Variants in CHD8 observed in about 807,000 individuals in gnomAD.
CHD8 encodes chromodomain helicase DNA binding protein 8.
CHD8 carries 31 observed loss-of-function variants against 279.2 expected under a neutral mutation model. That is an observed-to-expected ratio of 0.11 (90% confidence interval 0.08 to 0.15). The LOEUF (loss-of-function observed/expected upper bound fraction) is 0.15. Among genes scored for constraint, CHD8 ranks in the 10% least tolerant of loss-of-function variants. The probability of loss-of-function intolerance (pLI) is 1.00; values close to 1 mark genes in which losing one functional copy is unlikely to be tolerated. For synonymous variants in CHD8, 1,081 were observed against 1,139.6 expected (o/e 0.95, Z 1.04); for missense variants, 2,146 against 3,230.5 (o/e 0.66, Z 8.14).
chr14:21,408,196 C>A lies in CHD8; in HGVS notation c.2730+116G>T. 7.9e-7 allele frequency: 1 copy of A among 1,268,034 alleles called. No homozygotes were observed. Among genetic ancestry groups the A allele is most frequent in the South Asian group, 1.5e-5 (1 of 66,376 alleles). The allele number at this position is 1,268,034 out of a possible 1,614,324, so 78.5% of individuals were successfully genotyped here. A position where few individuals can be genotyped will look rare whatever the true frequency, so the allele number is the denominator to read the frequency against. On this transcript the variant is annotated intron_variant, in intron 13 of 37. Transcript: ENST00000646647. The surrounding 1 kb of genome is among the most constrained non-coding windows in gnomAD (Gnocchi z 4.3). Reference sequence around the variant, plus strand: ...ATGCCTTAAACCATAGGCATTTTTGCATAGGCATATTGAAGACTTTCAATA... The same window carrying A: ...ATGCCTTAAACCATAGGCATTTTTGAATAGGCATATTGAAGACTTTCAATA...
chr14:21,392,938 C>G, intron 33 of CHD8, 129 bp from the exon 34 acceptor site: 1 of 1,165,460 alleles, frequency 8.6e-7, no homozygotes, highest in Non-Finnish European at 1.2e-6. Flanking sequence ...GAAGTTAATA[C>G]TATTAAGATT....
rs1446011634 is a variant in CHD8, at chr14:21,386,189, A to C, written c.7183-13T>G. The C allele has an allele frequency of 2.0e-6, 3 of 1,533,034 alleles. No individual in the cohort carries two copies. Among genetic ancestry groups the C allele is most frequent in the South Asian group, 1.2e-5 (1 of 81,716 alleles). The allele number at this position is 1,533,034 out of a possible 1,614,324, so 95.0% of individuals were successfully genotyped here. ...CAGTGTGATGACCCTAGGAGGAGGGAATAGAAGATAATAAAAAGAAAGAAA... is the reference window on the plus strand; with the variant it reads ...CAGTGTGATGACCCTAGGAGGAGGGCATAGAAGATAATAAAAAGAAAGAAA... On this transcript the variant is annotated splice_polypyrimidine_tract_variant and intron_variant, in intron 37 of 37. Transcript: ENST00000646647.
intron 37 of CHD8, among the ~76,000 whole-genome samples, chr14:21,388,372 A>G (rs1382947974): frequency 6.6e-6 from 1 of 152,228 alleles, no homozygotes; most frequent in African/African-American, 2.4e-5. Flanking sequence ...TTAAAACAAT[A>G]CCGTGTAACA....
In CHD8 at chr14:21,393,219, T is replaced by A; in HGVS notation, c.6355A>T (p.Ser2119Cys). Residue 2119 changes from serine to cysteine, a missense_variant, in exon 33 of 38, where the codon AGT becomes TGT. Physicochemically the swap from Ser to Cys is moderately radical, Grantham distance 112 (BLOSUM62 -1). Coordinates refer to ENST00000646647, the MANE Select transcript of CHD8 (RefSeq NM_001170629.2). ...TGGGACATAGTGAGGGACAGGAGAC[T>A]CTCTTCATCATAGAGCTTTGAGCGG... Reference protein sequence around the residue: ...QSRSKLYDEESLLSLTMSQDG... With the variant: ...QSRSKLYDEECLLSLTMSQDG... 1 of 1,613,934 alleles carries A rather than the reference T, an allele frequency of 6.2e-7. No homozygotes were observed. Among genetic ancestry groups the A allele is most frequent in the South Asian group, 1.1e-5 (1 of 91,088 alleles).
chr14:21,429,770 G>A (rs1889486347), intron 2 of CHD8: 2 of 291,826 alleles, frequency 6.9e-6, no homozygotes, highest in Admixed American at 8.2e-5. Flanking sequence ...AGCCTCCTGA[G>A]TAGCTGGTAC....
intron 5 of CHD8, among the ~76,000 whole-genome samples, chr14:21,423,523 T>C (rs989109424): frequency 6.6e-6 from 1 of 151,040 alleles, no homozygotes. Context: ...TCCATGAACT[T>C]TTTTTTTTGG....
intron 37 of CHD8, among the ~76,000 whole-genome samples, chr14:21,387,382 AGCACTTTGGGAGGCTGAGGGCAG>A (rs1887300284): frequency 6.6e-6 from 1 of 152,208 alleles, no homozygotes; most frequent in South Asian, 2.1e-4. Flanking sequence ...CTGTAATCCC[AGCACTTTGGGAGGCTGAGGGCAG>A]GCGGATCACC....
intron 1 of CHD8, among the ~76,000 whole-genome samples, chr14:21,449,161 G>A (rs565934645): frequency 6.6e-6 from 1 of 152,080 alleles, no homozygotes; most frequent in East Asian, 2.0e-4. Flanking sequence ...GCGACAGAGC[G>A]AGACTTCATC....
chr14:21,415,545 A>AAAT (rs1555316450), intron 7 of CHD8, 29 bp downstream of exon 7: 19 of 1,117,594 alleles, frequency 1.7e-5, no homozygotes, highest in Middle Eastern at 3.0e-4. Flanking sequence ...AAATAAATAA[A>AAAT]AATAATAATA....
In CHD8 at chr14:21,410,105, GAAAAAGTCAGGCC is replaced by G. The variant is rs1888424451; in HGVS notation, c.2227-130_2227-118del. The G allele has an allele frequency of 3.0e-6, 3 of 1,003,284 alleles. No individual in the cohort carries two copies. The East Asian group carries it at 8.2e-5, about 27-fold the overall frequency. The allele number at this position is 1,003,284 out of a possible 1,614,324, so 62.1% of individuals were successfully genotyped here. A position where few individuals can be genotyped will look rare whatever the true frequency, so the allele number is the denominator to read the frequency against. On this transcript the variant is annotated intron_variant, in intron 10 of 37. Transcript: ENST00000646647. ...AAAGTATCAGTACCTAGAAGCCGTT[GAAAAAGTCAGGCC>G]AAACACATCGACCAAAAGTTCACCT...
At chr14:21,444,777 T>G (rs1890072277) in intron 1 of CHD8, among the ~76,000 whole-genome samples, 1 of 152,228 alleles carries the variant, frequency 6.6e-6, no homozygotes, top group African/African-American at 2.4e-5. Flanking sequence ...GTCCTAGACC[T>G]TCTTTTCATT....
In CHD8 at chr14:21,448,400, C is replaced by G. The variant is rs535682780; in HGVS notation, c.-216+7632G>C. Among the ~76,000 whole-genome samples the G allele has an allele frequency of 3.3e-5, 5 of 152,302 alleles. No homozygotes were observed. In the East Asian group the frequency reaches 7.7e-4, roughly 23 times the overall value. On this transcript the variant is annotated intron_variant, in intron 1 of 37. Transcript: ENST00000646647. ...AACTAAGTTAAATAAAAGAAACAAACTATTTACTCTTTTTCCTTTTAACAG... is the reference window on the plus strand; with the variant it reads ...AACTAAGTTAAATAAAAGAAACAAAGTATTTACTCTTTTTCCTTTTAACAG...
chr14:21,385,870 G>C lies in CHD8; in HGVS notation c.7489C>G (p.His2497Asp). ...DSSTMLHHHH[H>D]HPHPHHHHHH... ...TGGTGATGGTGGGGGTGGGGGTGGT[G>C]GTGGTGGTGATGAAGCATGGTGCTG... Residue 2497 changes from histidine (H) to aspartate (D), a missense_variant, in exon 38 of 38, where the codon CAC becomes GAC. Physicochemically the swap from His to Asp is moderately conservative, Grantham distance 81. Transcript: ENST00000646647. 1 of 1,549,950 alleles carries C rather than the reference G, an allele frequency of 6.5e-7. No individual in the cohort carries two copies. The highest frequency in any genetic ancestry group is 8.7e-7 in the Non-Finnish European group (1 of 1,146,748).
chr14:21,408,257 A>G lies in CHD8; in HGVS notation c.2730+55T>C, dbSNP rs2139481311. 1.3e-6 allele frequency: 2 copies of G among 1,581,506 alleles called. No individual in the cohort carries two copies. Among genetic ancestry groups the G allele is most frequent in the East Asian group, 4.5e-5 (2 of 44,518 alleles). Reference sequence around the variant, plus strand: ...ATTCATATATAGCCCTTAAAATACCAGGTACCTTGGCCGACTTTCTCTAAC... The same window carrying G: ...ATTCATATATAGCCCTTAAAATACCGGGTACCTTGGCCGACTTTCTCTAAC... On this transcript the variant is annotated intron_variant, in intron 13 of 37. Transcript: ENST00000646647. The surrounding 1 kb of genome is among the most constrained non-coding windows in gnomAD (Gnocchi z 4.3).
At chr14:21,448,795 C>T (rs1378417638) in intron 1 of CHD8, among the ~76,000 whole-genome samples, 1 of 151,148 alleles carries the variant, frequency 6.6e-6, no homozygotes, top group Non-Finnish European at 1.5e-5. Flanking sequence ...AAACTCCTGA[C>T]CTCATGATCC....
At chr14:21,390,719 A>G (rs1887489371) in intron 37 of CHD8, among the ~76,000 whole-genome samples, 3 of 151,138 alleles carry the variant, frequency 2.0e-5, no homozygotes, top group Admixed American at 1.3e-4. Context: ...CGGAGGTTGC[A>G]GTAGGCCAAG....
rs1335654688 is a variant in CHD8 at position 21,431,494 on chromosome 14, G to A, written c.150C>T (p.Asn50=). 3 of 1,537,182 alleles carry A rather than the reference G, an allele frequency of 2.0e-6. No homozygotes were observed. The highest frequency in any genetic ancestry group is 2.6e-6 in the Non-Finnish European group (3 of 1,146,890). ...PSSLDSLDQM[N]QDGGGGDVGN... is the part of the protein sequence containing the mutation. ...CCACATCACCACCTCCACCATCCTG[G>A]TTCATCTGATCCAAGGAGTCCAGAG... is the stretch of plus-strand genomic sequence containing the variant. The change falls in exon 2 of 38, where the codon AAC becomes AAT. Residue 50 remains asparagine (N), a synonymous_variant. Coordinates refer to ENST00000646647, the MANE Select transcript of CHD8 (RefSeq NM_001170629.2).
intron 2 of CHD8, chr14:21,430,145 CT>C (rs1283032117): frequency 6.5e-6 from 1 of 154,318 alleles, no homozygotes; most frequent in Non-Finnish European, 1.4e-5. Flanking sequence ...CCAGGCTGGT[CT>C]TGAACTTCTG....
chr14:21,405,608 G>A lies in CHD8; in HGVS notation c.3051+113C>T. ...GATGCCACAAATGATGTAGGCACAA[G>A]GTTATAAGGAGTTCAGAAAGGCCCT... On this transcript the variant is annotated intron_variant, in intron 15 of 37. Transcript: ENST00000646647. The surrounding 1 kb of genome is among the most constrained non-coding windows in gnomAD (Gnocchi z 4.2). 6.9e-7 allele frequency: 1 copy of A among 1,455,622 alleles called. No homozygotes were observed. The highest frequency in any genetic ancestry group is 9.3e-7 in the Non-Finnish European group (1 of 1,070,482). The allele number at this position is 1,455,622 out of a possible 1,614,324, so 90.2% of individuals were successfully genotyped here.
Sources: allele counts gnomAD v4.1 joint callset (sites outside exome capture counted in the v4.1 genomes callset), GRCh38; gene constraint gnomAD v4.1.1; non-coding constraint Gnocchi (gnomAD v3.1); transcripts MANE v1.5; gene names NCBI Gene and HGNC (gene_info 2026-07-23, HGNC 2026-07-21).